KCNK12: variants seen among roughly 807,000 people sequenced by gnomAD.
KCNK12 encodes potassium channel subfamily K member 12.
A neutral mutation model predicts 25.3 loss-of-function variants in KCNK12; 6 were observed. The ratio of observed to expected loss-of-function variants is 0.24; its 90% CI spans 0.13 to 0.47. The LOEUF is 0.47. KCNK12 is among the 20% of genes least tolerant of loss of function. The probability of loss-of-function intolerance (pLI) is 0.99; values close to 1 mark genes in which losing one functional copy is unlikely to be tolerated. For synonymous variants in KCNK12, 331 were observed against 311.1 expected (o/e 1.06, Z -0.67); for missense variants, 444 against 661.7 (o/e 0.67, Z 3.61).
chr2:47,564,852 C>G (rs974518135), intron 1 of KCNK12: 1 of 153,360 alleles, frequency 6.5e-6, no homozygotes, highest in Non-Finnish European at 1.5e-5. Flanking sequence ...GTCACAGCAT[C>G]ATCTTTCAAT....
At position 47,510,639 on chromosome 2, in the gene KCNK12, A is replaced by T. The variant is rs1201876670; in HGVS notation, c.*10268T>A. On this transcript the variant is annotated 3_prime_UTR_variant, in exon 2 of 2. Transcript: ENST00000327876. ...TGACCAACTCTCGTCGTTTATCTCT[A>T]TTCAGTGGAACACAGCAGCACTGTG... is the stretch of plus-strand genomic sequence containing the variant. 6.6e-6 allele frequency among the ~76,000 whole-genome samples: 1 copy of T among 152,192 alleles called. No individual in the cohort carries two copies. The highest frequency in any genetic ancestry group is 1.5e-5 in the Non-Finnish European group (1 of 68,030).
At chr2:47,544,826 C>T (rs541170959) in intron 1 of KCNK12, among the ~76,000 whole-genome samples, 1 of 152,282 alleles carries the variant, frequency 6.6e-6, no homozygotes, top group South Asian at 2.1e-4. Context: ...ATGCATCCAA[C>T]AAGAGGGATG....
intron 1 of KCNK12, chr2:47,543,209 A>G (rs899280900): frequency 4.0e-5 from 6 of 151,826 alleles, no homozygotes; most frequent in Non-Finnish European, 7.4e-5. Context: ...AACCACCGTC[A>G]CCACAATAAA....
intron 1 of KCNK12, among the ~76,000 whole-genome samples, chr2:47,545,949 C>A (rs62140883): frequency 0.15 from 21,892 of 150,440 alleles, 1,817 homozygotes; most frequent in African/African-American, 0.21. Flanking sequence ...TTGCTCAGGG[C>A]TGGGGCAGCC....
chr2:47,554,538 G>A (rs1252334650), intron 1 of KCNK12, among the ~76,000 whole-genome samples: 1 of 152,204 alleles, frequency 6.6e-6, no homozygotes, highest in Non-Finnish European at 1.5e-5. Flanking sequence ...TCTGATCTGG[G>A]TAAGTCCAGC....
In KCNK12 at chr2:47,534,192, C is replaced by T. The variant is rs185190307; in HGVS notation, c.392-12384G>A. Among the ~76,000 whole-genome samples the T allele has an allele frequency of 1.8e-3, 274 of 152,082 alleles. 1 individual carries two copies. Among genetic ancestry groups the T allele is most frequent in the African/African-American group, 5.9e-3 (246 of 41,458 alleles). On this transcript the variant is annotated intron_variant, in intron 1 of 1. Transcript: ENST00000327876. Reference sequence around the variant, plus strand: ...ACTTCTTTGAATCGACTTTGTACCTCGGCACAGCCTTCCTTGCTAGCAGGG... The same window carrying T: ...ACTTCTTTGAATCGACTTTGTACCTTGGCACAGCCTTCCTTGCTAGCAGGG...
At chr2:47,554,230 G>T (rs529075452) in intron 1 of KCNK12, among the ~76,000 whole-genome samples, 1 of 152,204 alleles carries the variant, frequency 6.6e-6, no homozygotes, top group South Asian at 2.1e-4. Context: ...CATGGAGCAG[G>T]GAGTGAGCAG....
rs1558565991 is a variant in KCNK12, at chr2:47,562,101, C to G, written c.391+7840G>C. On this transcript the variant is annotated intron_variant, in intron 1 of 1. Transcript: ENST00000327876. This position sits in a 1 kb window ranked among gnomAD's most constrained non-coding sequence, Gnocchi z 4.8. Reference sequence around the variant, plus strand: ...CTCTCTACCCTAGCGACTCCAAGTGCATCAGCATAGGCATTGCCAGGAGCT... The same window carrying G: ...CTCTCTACCCTAGCGACTCCAAGTGGATCAGCATAGGCATTGCCAGGAGCT... 5.0e-6 allele frequency: 2 copies of G among 398,620 alleles called. No individual in the cohort carries two copies. Among genetic ancestry groups the G allele is most frequent in the South Asian group, 1.3e-4 (1 of 7,858 alleles). 24.7% of individuals were successfully genotyped at this position (398,620 alleles called of 1,614,324 possible).
rs1165587599 is a variant in KCNK12 at position 47,514,542 on chromosome 2, C to G, written c.*6365G>C. Among the ~76,000 whole-genome samples, 2 of 152,132 alleles carry G rather than the reference C, an allele frequency of 1.3e-5. No homozygotes were observed. Among genetic ancestry groups the G allele is most frequent in the Non-Finnish European group, 2.9e-5 (2 of 68,022 alleles). On this transcript the variant is annotated 3_prime_UTR_variant, in exon 2 of 2. Transcript: ENST00000327876. This position sits in a 1 kb window ranked among gnomAD's most constrained non-coding sequence, Gnocchi z 5.0. Reference sequence around the variant, plus strand: ...CAGGGGATTAAATAAGATAAATATGCAAGTCTCTTATCTGGGGGTCTGGCT... The same window carrying G: ...CAGGGGATTAAATAAGATAAATATGGAAGTCTCTTATCTGGGGGTCTGGCT...
At position 47,547,857 on chromosome 2, in the gene KCNK12, C is replaced by A. The variant is rs1056590381; in HGVS notation, c.391+22084G>T. Among the ~76,000 whole-genome samples the A allele has an allele frequency of 1.3e-5, 2 of 152,148 alleles. No individual in the cohort carries two copies. The highest frequency in any genetic ancestry group is 2.9e-5 in the Non-Finnish European group (2 of 68,022). On this transcript the variant is annotated intron_variant, in intron 1 of 1. Transcript: ENST00000327876. The surrounding 1 kb of genome is among the most constrained non-coding windows in gnomAD (Gnocchi z 5.0). Reference sequence around the variant, plus strand: ...TATAAGTGGTTCTCACTCCTGGCTACATATTAGAGTTGATATGGTTTGGAT... The same window carrying A: ...TATAAGTGGTTCTCACTCCTGGCTAAATATTAGAGTTGATATGGTTTGGAT...
chr2:47,544,964 T>C (rs936858431), intron 1 of KCNK12, among the ~76,000 whole-genome samples: 1 of 152,246 alleles, frequency 6.6e-6, no homozygotes, highest in Non-Finnish European at 1.5e-5. Flanking sequence ...AAAGGCTTTT[T>C]TTCCCTGTCA....
At position 47,569,110 on chromosome 2, in the gene KCNK12, G is replaced by C. The variant is rs7594899; in HGVS notation, c.391+831C>G. Among the ~76,000 whole-genome samples, 48,163 of 151,864 alleles carry C rather than the reference G, an allele frequency of 0.32. 8,006 individuals carry two copies. The highest frequency in any genetic ancestry group is 0.47 in the Admixed American group (7,122 of 15,258). ...GAGGGAGGGGTGGGGGCCTGAAGGA[G>C]TATTGACACAGCATTCTTCATAAGG... On this transcript the variant is annotated intron_variant, in intron 1 of 1. Transcript: ENST00000327876. The surrounding 1 kb of genome is among the most constrained non-coding windows in gnomAD (Gnocchi z 4.1).
chr2:47,530,676 C>G (rs1163016129), intron 1 of KCNK12, among the ~76,000 whole-genome samples: 2 of 152,168 alleles, frequency 1.3e-5, no homozygotes, highest in Admixed American at 1.3e-4. Context: ...CTCATGTTAA[C>G]ATCTCTAAAA....
intron 1 of KCNK12, among the ~76,000 whole-genome samples, chr2:47,541,078 G>A (rs1669187546): frequency 6.6e-6 from 1 of 152,330 alleles, no homozygotes; most frequent in Non-Finnish European, 1.5e-5. Flanking sequence ...TGCCCAGTTT[G>A]AGTGTTCCAA....
chr2:47,536,059 G>T (rs1164635406), intron 1 of KCNK12, among the ~76,000 whole-genome samples: 1 of 152,074 alleles, frequency 6.6e-6, no homozygotes, highest in Non-Finnish European at 1.5e-5. Context: ...CAGACTCCCT[G>T]GTTTTCTGGA....
rs1669852597 is a variant in KCNK12 at position 47,569,851 on chromosome 2, C to A, written c.391+90G>T. The stretch of plus-strand genomic sequence containing the variant: ...GGGACATTAGAAGGGAAGGCAGAGC[C>A]GAGGGACGCGGACCGAGCGGCCGAG... On this transcript the variant is annotated intron_variant, in intron 1 of 1. Transcript: ENST00000327876. The surrounding 1 kb of genome is among the most constrained non-coding windows in gnomAD (Gnocchi z 4.1). 5.5e-5 allele frequency: 60 copies of A among 1,085,860 alleles called. No individual in the cohort carries two copies. Among genetic ancestry groups the A allele is most frequent in the Non-Finnish European group, 6.9e-5 (58 of 834,982 alleles). 67.3% of individuals were successfully genotyped at this position (1,085,860 alleles called of 1,614,324 possible). A position where few individuals can be genotyped will look rare whatever the true frequency, so the allele number is the denominator to read the frequency against.
Position 47,560,505 on chromosome 2 carries a change from G to A in KCNK12, c.391+9436C>T, listed in dbSNP as rs958532793. Among the ~76,000 whole-genome samples the A allele has an allele frequency of 6.6e-6, 1 of 152,152 alleles. No homozygotes were observed. Among genetic ancestry groups the A allele is most frequent in the Non-Finnish European group, 1.5e-5 (1 of 68,018 alleles). ...CCCTGCAGACCCCAGGCTGGGCTAT[G>A]GTTCTTCCCCCTCTGTGGAACTGCA... On this transcript the variant is annotated intron_variant, in intron 1 of 1. Transcript: ENST00000327876. This position sits in a 1 kb window ranked among gnomAD's most constrained non-coding sequence, Gnocchi z 4.7.
intron 1 of KCNK12, chr2:47,543,226 C>G (rs774750065): frequency 1.3e-5 from 2 of 152,116 alleles, no homozygotes; most frequent in African/African-American, 4.8e-5. Flanking sequence ...TAAATAGCAA[C>G]AACCACCACC....
At position 47,511,655 on chromosome 2, in the gene KCNK12, G is replaced by A. The variant is rs1460364148; in HGVS notation, c.*9252C>T. Among the ~76,000 whole-genome samples, 1 of 152,204 alleles carries A rather than the reference G, an allele frequency of 6.6e-6. No individual in the cohort carries two copies. Among genetic ancestry groups the A allele is most frequent in the Non-Finnish European group, 1.5e-5 (1 of 68,028 alleles). On this transcript the variant is annotated 3_prime_UTR_variant, in exon 2 of 2. Transcript: ENST00000327876. The surrounding 1 kb of genome is among the most constrained non-coding windows in gnomAD (Gnocchi z 4.3). ...GGGTCTTTCCATAGGGGATGAGGAA[G>A]ACAAGGCCACTTGGAGGCAGAGGAG...
Sources: gnomAD v4.1 joint callset for allele counts (sites outside exome capture counted in the v4.1 genomes callset) on GRCh38, gnomAD v4.1.1 for gene constraint, Gnocchi (gnomAD v3.1) non-coding constraint, MANE v1.5 for transcripts, NCBI Gene and HGNC (gene_info 2026-07-23, HGNC 2026-07-21) for gene names.